TESK2: variants seen among roughly 807,000 people sequenced by gnomAD.
TESK2 encodes testis associated actin remodelling kinase 2, also known as dual specificity testis-specific protein kinase 2.
In TESK2, 39 loss-of-function variants were observed where a neutral mutation model predicts 57.1. The observed-to-expected ratio is 0.68, with a 90% CI of 0.53 to 0.89. The LOEUF (loss-of-function observed/expected upper bound fraction) is 0.89, where lower values mean the gene tolerates loss of function less well. TESK2 is among the 40% of genes least tolerant of loss of function. The probability of loss-of-function intolerance (pLI) is 0.00; values close to 1 mark genes in which losing one functional copy is unlikely to be tolerated. For synonymous variants in TESK2, 249 were observed against 267.9 expected (o/e 0.93, Z 0.69); for missense variants, 646 against 732.1 (o/e 0.88, Z 1.36).
intron 2 of TESK2, among the ~76,000 whole-genome samples, chr1:45,428,907 C>T (rs1370779158): frequency 3.5e-5 from 5 of 141,506 alleles, no homozygotes; most frequent in African/African-American, 1.0e-4. Context: ...CTGCAAGCTC[C>T]GCCTCCCGGG....
intron 2 of TESK2, among the ~76,000 whole-genome samples, chr1:45,422,722 G>A (rs1431851527): frequency 9.7e-6 from 1 of 102,920 alleles, no homozygotes; most frequent in Non-Finnish European, 2.2e-5. Context: ...GGGATTACAG[G>A]TGTGAGCCAC....
chr1:45,374,002 C>A (rs1300603066), intron 4 of TESK2, among the ~76,000 whole-genome samples: 2 of 152,140 alleles, frequency 1.3e-5, no homozygotes, highest in Non-Finnish European at 2.9e-5. Flanking sequence ...AGCCTAAACT[C>A]AAAAAGAACT....
At chr1:45,373,092 T>C (rs1398723474) in intron 4 of TESK2, among the ~76,000 whole-genome samples, 1 of 147,838 alleles carries the variant, frequency 6.8e-6, no homozygotes, top group African/African-American at 2.5e-5. Context: ...AACGTGATAA[T>C]ACTTAATACT....
In TESK2 at chr1:45,399,140, A is replaced by ATTT. The variant is rs753087306; in HGVS notation, c.345-13183_345-13181dup. ...TCATTGAACTTAAATAAAAGTTGAA[A>ATTT]TTTTTTTTTTTTTTTTTTTTTTTTT... On this transcript the variant is annotated intron_variant, in intron 3 of 10. Transcript: ENST00000372086. 4.2e-4 allele frequency among the ~76,000 whole-genome samples: 42 copies of ATTT among 99,714 alleles called. 2 individuals are homozygous for ATTT. The highest frequency in any genetic ancestry group is 1.3e-3 in the African/African-American group (27 of 20,716). 65.4% of individuals were successfully genotyped at this position (99,714 alleles called of 152,430 possible).
chr1:45,461,163 T>C (rs1233216340), intron 1 of TESK2, among the ~76,000 whole-genome samples: 1 of 34,406 alleles, frequency 2.9e-5, no homozygotes, highest in Non-Finnish European at 6.0e-5. Flanking sequence ...TGGCCACTGT[T>C]TTTTTTTTTT....
At chr1:45,440,814 A>C (rs1651418886) in intron 2 of TESK2, among the ~76,000 whole-genome samples, 1 of 152,190 alleles carries the variant, frequency 6.6e-6, no homozygotes, top group East Asian at 1.9e-4. Context: ...TGCTGACTTT[A>C]ATGAATCAGG....
chr1:45,360,347 C>G (rs761404816), intron 4 of TESK2, among the ~76,000 whole-genome samples: 14 of 152,152 alleles, frequency 9.2e-5, no homozygotes, highest in Non-Finnish European at 1.5e-4. Flanking sequence ...AGCATGATGA[C>G]AGTGTGATAT....
intron 4 of TESK2, among the ~76,000 whole-genome samples, chr1:45,366,271 A>G (rs963047075): frequency 1.4e-4 from 22 of 152,170 alleles, no homozygotes; most frequent in African/African-American, 5.1e-4. Context: ...TATTTTTAGC[A>G]GAGACGGAGT....
chr1:45,481,151 G>A lies in TESK2; in HGVS notation c.-87+9701C>T, dbSNP rs531049994. Among the ~76,000 whole-genome samples, 104 of 152,166 alleles carry A rather than the reference G, an allele frequency of 6.8e-4. 1 individual carries two copies. The highest frequency in any genetic ancestry group is 2.5e-3 in the African/African-American group (103 of 41,524). ...GAGGCCGAGGTGGGCGGATCACGAG[G>A]TCAGGAGATCGAGACCATCCTGGCT... is the stretch of plus-strand genomic sequence containing the variant. On this transcript the variant is annotated intron_variant, in intron 1 of 10. Coordinates refer to ENST00000372086, the MANE Select transcript of TESK2 (RefSeq NM_007170.3).
At chr1:45,445,093 T>C (rs534690293) in intron 2 of TESK2, among the ~76,000 whole-genome samples, 6 of 152,272 alleles carry the variant, frequency 3.9e-5, no homozygotes, top group South Asian at 2.1e-4. Flanking sequence ...ACCACCTGGA[T>C]TGGCAACCTA....
At chr1:45,412,568 A>G (rs1179188093) in intron 3 of TESK2, among the ~76,000 whole-genome samples, 1 of 152,202 alleles carries the variant, frequency 6.6e-6, no homozygotes, top group Non-Finnish European at 1.5e-5. Context: ...TTTCTCTTGC[A>G]TTAATCATGA....
In TESK2 at chr1:45,421,980, G is replaced by C. The variant is rs1166017310; in HGVS notation, c.223-134C>G. 26 of 880,730 alleles carry C rather than the reference G, an allele frequency of 3.0e-5. No homozygotes were observed. In the East Asian group the frequency reaches 6.9e-4, roughly 23 times the overall value. The allele number at this position is 880,730 out of a possible 1,614,324, so 54.6% of individuals were successfully genotyped here. ...AAAATATACATCTAATTACATTAAA[G>C]TATCACTTCCATGAATGAAGATGAA... On this transcript the variant is annotated intron_variant, in intron 2 of 10. Transcript: ENST00000372086.
intron 1 of TESK2, among the ~76,000 whole-genome samples, chr1:45,463,111 C>G (rs1652401286): frequency 6.6e-6 from 1 of 152,110 alleles, no homozygotes; most frequent in African/African-American, 2.4e-5. Flanking sequence ...GTTGTCTGAA[C>G]TCCTTATATT....
chr1:45,485,527 T>TA (rs1277568793), intron 1 of TESK2, among the ~76,000 whole-genome samples: 50 of 146,694 alleles, frequency 3.4e-4, no homozygotes, highest in East Asian at 8.2e-4. Context: ...TATTTTATTT[T>TA]TTTTTTTTTG....
intron 4 of TESK2, among the ~76,000 whole-genome samples, chr1:45,358,707 C>T (rs1647550597): frequency 6.6e-6 from 1 of 151,930 alleles, no homozygotes; most frequent in Non-Finnish European, 1.5e-5. Flanking sequence ...CTCACACATG[C>T]ACATGAAAAT....
At chr1:45,483,680 G>A (rs527972923) in intron 1 of TESK2, among the ~76,000 whole-genome samples, 1 of 152,226 alleles carries the variant, frequency 6.6e-6, no homozygotes, top group South Asian at 2.1e-4. Context: ...TTGCCGCGAG[G>A]GGGCGGCGGA....
intron 3 of TESK2, among the ~76,000 whole-genome samples, chr1:45,418,981 C>CTT (rs201981155): frequency 5.5e-4 from 78 of 141,104 alleles, no homozygotes; most frequent in Non-Finnish European, 7.1e-4. Context: ...TTCCCTGACC[C>CTT]TTTTTTTTTT....
At chr1:45,376,206 T>A (rs1570665159) in intron 4 of TESK2, among the ~76,000 whole-genome samples, 1 of 138,194 alleles carries the variant, frequency 7.2e-6, no homozygotes, top group East Asian at 2.2e-4. Context: ...GACATTTCTT[T>A]CTCTCTCTTT....
chr1:45,441,435 C>T (rs1651439876), intron 2 of TESK2, among the ~76,000 whole-genome samples: 1 of 152,036 alleles, frequency 6.6e-6, no homozygotes, highest in Admixed American at 6.6e-5. Flanking sequence ...CCTCGTCCTC[C>T]CAGTGTGCTG....
Sources: allele counts gnomAD v4.1 joint callset (sites outside exome capture counted in the v4.1 genomes callset), GRCh38; gene constraint gnomAD v4.1.1; transcripts MANE v1.5; gene names NCBI Gene and HGNC (gene_info 2026-07-23, HGNC 2026-07-21).